SLC24A4: variants seen among roughly 807,000 people sequenced by gnomAD.
SLC24A4 encodes the protein sodium/potassium/calcium exchanger 4.
SLC24A4 carries 53 observed loss-of-function variants against 79.0 expected under a neutral mutation model. The ratio of observed to expected loss-of-function variants is 0.67; its 90% CI spans 0.54 to 0.84. The LOEUF (loss-of-function observed/expected upper bound fraction) is 0.84, where lower values mean the gene tolerates loss of function less well. SLC24A4 is among the 40% of genes least tolerant of loss of function. The pLI is 0.00. For synonymous variants in SLC24A4, 323 were observed against 323.8 expected, an observed-to-expected ratio of 1.00 and a Z score of 0.03; for missense variants, 731 against 822.0, an observed-to-expected ratio of 0.89 and a Z score of 1.35.
At chr14:92,348,437 C>T (rs1886667348) in intron 2 of SLC24A4, among the ~76,000 whole-genome samples, 1 of 152,186 alleles carries the variant, frequency 6.6e-6, no homozygotes, top group South Asian at 2.1e-4. Context: ...TCCACTCTGC[C>T]GATGCAGGGT....
intron 2 of SLC24A4, among the ~76,000 whole-genome samples, chr14:92,374,856 C>G (rs1334164038): frequency 6.6e-6 from 1 of 152,306 alleles, no homozygotes; most frequent in East Asian, 1.9e-4. Flanking sequence ...TCTCTTTAAA[C>G]ATTTACTCCT....
chr14:92,474,863 A>ATATATATATAT (rs36185636), intron 12 of SLC24A4, among the ~76,000 whole-genome samples: 687 of 57,054 alleles, frequency 0.012, 73 homozygotes, highest in East Asian at 0.073. Flanking sequence ...ATATATATAT[A>ATATATATATAT]TTTTTTTTTT....
intron 2 of SLC24A4, among the ~76,000 whole-genome samples, chr14:92,396,176 C>T (rs1889765129): frequency 6.6e-6 from 1 of 152,122 alleles, no homozygotes; most frequent in Non-Finnish European, 1.5e-5. Context: ...AAGCAAATCA[C>T]GAATAGTTTA....
chr14:92,338,568 G>A (rs140128893), intron 2 of SLC24A4, among the ~76,000 whole-genome samples: 1 of 152,336 alleles, frequency 6.6e-6, no homozygotes, highest in Non-Finnish European at 1.5e-5. Context: ...CAACTTGTAT[G>A]ACCCCGCTGT....
At chr14:92,467,698 AG>A (rs1336489765) in intron 12 of SLC24A4, among the ~76,000 whole-genome samples, 1 of 152,198 alleles carries the variant, frequency 6.6e-6, no homozygotes, top group Non-Finnish European at 1.5e-5. Flanking sequence ...GAGGAAAAGT[AG>A]GAGGTAAAGG....
intron 2 of SLC24A4, among the ~76,000 whole-genome samples, chr14:92,386,562 A>C (rs943099755): frequency 6.6e-6 from 1 of 152,144 alleles, no homozygotes; most frequent in African/African-American, 2.4e-5. Context: ...ACACATGATA[A>C]GTTCTCAAAT....
intron 2 of SLC24A4, among the ~76,000 whole-genome samples, chr14:92,361,209 T>A (rs1887493993): frequency 6.6e-6 from 1 of 152,074 alleles, no homozygotes; most frequent in Admixed American, 6.5e-5. Flanking sequence ...ACCGATTATG[T>A]AACAGAACTT....
intron 12 of SLC24A4, among the ~76,000 whole-genome samples, chr14:92,474,863 A>ATATATATTTTTT (rs36185636): frequency 3.5e-5 from 2 of 57,124 alleles, no homozygotes; most frequent in African/African-American, 1.3e-4. Flanking sequence ...ATATATATAT[A>ATATATATTTTTT]TTTTTTTTTT....
intron 10 of SLC24A4, 84 bp downstream of exon 10, chr14:92,449,300 ACACACACAC>A: frequency 7.8e-7 from 1 of 1,279,464 alleles, no homozygotes. Flanking sequence ...ACACACACAC[ACACACACAC>A]ACACACACAC....
chr14:92,335,893 GC>G (rs1250991206), intron 2 of SLC24A4, among the ~76,000 whole-genome samples: 1 of 152,176 alleles, frequency 6.6e-6, no homozygotes, highest in Non-Finnish European at 1.5e-5. Flanking sequence ...CTGTCTGAGT[GC>G]CCATCTGAGA....
At chr14:92,467,227 G>A (rs1894176055) in intron 12 of SLC24A4, among the ~76,000 whole-genome samples, 1 of 152,208 alleles carries the variant, frequency 6.6e-6, no homozygotes, top group Admixed American at 6.5e-5. Flanking sequence ...TTTATTCCAA[G>A]AATGCAAGGT....
intron 12 of SLC24A4, among the ~76,000 whole-genome samples, chr14:92,477,385 T>C (rs1335402443): frequency 6.6e-6 from 1 of 152,230 alleles, no homozygotes; most frequent in Admixed American, 6.5e-5. Flanking sequence ...TTATCAGATA[T>C]ATTATTTGCA....
intron 12 of SLC24A4, among the ~76,000 whole-genome samples, chr14:92,460,782 G>A (rs1438645690): frequency 6.6e-6 from 1 of 152,172 alleles, no homozygotes; most frequent in Non-Finnish European, 1.5e-5. Flanking sequence ...GATAAGTGGG[G>A]AGGTGGGAGG....
chr14:92,333,535 A>C (rs928448595), intron 2 of SLC24A4, among the ~76,000 whole-genome samples: 1 of 152,144 alleles, frequency 6.6e-6, no homozygotes, highest in East Asian at 1.9e-4. Flanking sequence ...GGAGGGATTT[A>C]AGTCCTCCTT....
intron 2 of SLC24A4, among the ~76,000 whole-genome samples, chr14:92,366,330 T>C (rs1887837217): frequency 2.0e-5 from 3 of 152,112 alleles, no homozygotes; most frequent in Admixed American, 6.5e-5. Flanking sequence ...GGTGACGGGG[T>C]TGGAGTCCAT....
chr14:92,479,662 A>G (rs4904934), intron 12 of SLC24A4, among the ~76,000 whole-genome samples: 138,416 of 152,216 alleles, frequency 0.91, 63,907 homozygotes, highest in Non-Finnish European at 0.99. Flanking sequence ...TTGGTCTGTA[A>G]TTTTCTTTAC....
Position 92,351,236 on chromosome 14 carries a change from G to GCGCGCGCACACACACA in SLC24A4, c.241+25259_241+25260insGCGCGCACACACACAC, listed in dbSNP as rs112120101. ...CTCTCTTTCACACACACACATACAC[G>GCGCGCGCACACACACA]CACACACACACACACACACACAAAA... On this transcript the variant is annotated intron_variant, in intron 2 of 16. Coordinates refer to ENST00000532405, the MANE Select transcript of SLC24A4 (RefSeq NM_153646.4). Among the ~76,000 whole-genome samples the GCGCGCGCACACACACA allele has an allele frequency of 2.2e-3, 328 of 147,062 alleles. 1 individual carries two copies. Among genetic ancestry groups the GCGCGCGCACACACACA allele is most frequent in the Non-Finnish European group, 3.7e-3 (245 of 66,492 alleles).
At chr14:92,371,015 G>C (rs1357374598) in intron 2 of SLC24A4, among the ~76,000 whole-genome samples, 1 of 152,174 alleles carries the variant, frequency 6.6e-6, no homozygotes, top group East Asian at 1.9e-4. Context: ...TGATACAAGA[G>C]ATAGAAAGAA....
intron 2 of SLC24A4, among the ~76,000 whole-genome samples, chr14:92,392,133 A>G (rs17128276): frequency 0.067 from 10,137 of 151,492 alleles, 1,139 homozygotes; most frequent in African/African-American, 0.23. Flanking sequence ...TTACTGACCC[A>G]TGTCTTTCCA....
Sources: allele counts gnomAD v4.1 joint callset (sites outside exome capture counted in the v4.1 genomes callset), GRCh38; gene constraint gnomAD v4.1.1; transcripts MANE v1.5; gene names NCBI Gene and HGNC (gene_info 2026-07-23, HGNC 2026-07-21).